Variants in IKZF4 observed in about 807,000 individuals in gnomAD.
The protein encoded by IKZF4 is zinc finger protein Eos.
Under a neutral mutation model 47.7 loss-of-function variants are expected in IKZF4, and 11 were observed. The ratio of observed to expected loss-of-function variants is 0.23; its 90% CI spans 0.15 to 0.38. The LOEUF is 0.38. IKZF4 is among the 10% of genes least tolerant of loss of function. The pLI, the probability that IKZF4 is intolerant of heterozygous loss-of-function variation, is 1.00. For missense variants in IKZF4, 557 were observed against 784.9 expected (o/e 0.71, Z 3.47); for synonymous variants, 298 against 299.4 (o/e 1.00, Z 0.05).
At chr12:56,019,392 T>C (rs1892558232), upstream of IKZF4, 1 of 984,500 alleles carries the variant, frequency 1.0e-6, no homozygotes, top group Admixed American at 6.1e-5. Flanking sequence ...ATGAGAGTCA[T>C]TGGCAACACC....
At chr12:56,023,932 T>C (rs1893513306) in intron 2 of IKZF4, 168 bp downstream of exon 2, 20 of 985,252 alleles carry the variant, frequency 2.0e-5, no homozygotes, top group Non-Finnish European at 2.4e-5. Context: ...TAGCAGATAA[T>C]GTAGAAGGCT....
At chr12:56,019,606 A>G (rs1892580705), upstream of IKZF4, among the ~76,000 whole-genome samples, 2 of 152,182 alleles carry the variant, frequency 1.3e-5, no homozygotes, top group Non-Finnish European at 2.9e-5. Context: ...CCTCCTGCTC[A>G]GTTAAGCCTA....
chr12:56,034,469 A>T, intron 7 of IKZF4, 102 bp from the exon 8 acceptor site: 1 of 1,229,442 alleles, frequency 8.1e-7, no homozygotes, highest in Non-Finnish European at 1.1e-6. Context: ...CGTAGTAAAT[A>T]ATGTTACACC....
At chr12:56,021,758 T>G in intron 1 of IKZF4, 178 bp downstream of exon 1, 1 of 939,158 alleles carries the variant, frequency 1.1e-6, no homozygotes, top group Non-Finnish European at 1.6e-6. Flanking sequence ...TTCCTCCTTA[T>G]ACTTGCGGAG....
intron 5 of IKZF4, among the ~76,000 whole-genome samples, chr12:56,030,817 T>C (rs1047717936): frequency 6.6e-6 from 1 of 151,898 alleles, no homozygotes; most frequent in Non-Finnish European, 1.5e-5. Flanking sequence ...GAGAGGCTGG[T>C]TAATGGGTAC....
chr12:56,017,862 A>G (rs1352850727), upstream of IKZF4, among the ~76,000 whole-genome samples: 2 of 151,944 alleles, frequency 1.3e-5, no homozygotes, highest in East Asian at 1.9e-4. Context: ...ATTTATTTTT[A>G]TATTTTGTAG....
chr12:56,027,849 T>C lies in IKZF4; in HGVS notation c.617T>C (p.Ile206Thr). 1 of 1,613,252 alleles carries C rather than the reference T, an allele frequency of 6.2e-7. No homozygotes were observed. Among genetic ancestry groups the C allele is most frequent in the South Asian group, 1.1e-5 (1 of 90,980 alleles). The change falls in exon 5 of 8, where the codon ATC becomes ACC. Residue 206 changes from isoleucine to threonine, a missense_variant. Physicochemically the swap from Ile to Thr is moderately conservative, Grantham distance 89. Coordinates refer to ENST00000547167, the MANE Select transcript of IKZF4 (RefSeq NM_022465.4). ...CAGAAGGGGAACCTGCTGCGCCACA[T>C]CAAGCTGCACTCTGGGGAGAAGCCC... ...FTQKGNLLRHIKLHSGEKPFK... is the reference protein window; with the variant it reads ...FTQKGNLLRHTKLHSGEKPFK...
intron 2 of IKZF4, among the ~76,000 whole-genome samples, chr12:56,014,155 CAA>C (rs1303427048): frequency 2.0e-4 from 16 of 80,912 alleles, no homozygotes; most frequent in Non-Finnish European, 1.6e-4. Flanking sequence ...GACTCCGTCT[CAA>C]AAAAAAAAAA....
At chr12:56,029,619 CTATG>C in intron 5 of IKZF4, 1 of 152,310 alleles carries the variant, frequency 6.6e-6, no homozygotes, top group Middle Eastern at 3.4e-3. Context: ...CTCTTTATCT[CTATG>C]TATGTGGAGA....
At chr12:56,019,348 C>A (rs1892551894), upstream of IKZF4, 2 of 984,752 alleles carry the variant, frequency 2.0e-6, no homozygotes, top group African/African-American at 3.5e-5. Context: ...TTGGCATGCA[C>A]TAAAGGAGAT....
upstream of IKZF4, among the ~76,000 whole-genome samples, chr12:56,016,667 G>T (rs1892117893): frequency 2.0e-5 from 3 of 151,854 alleles, no homozygotes; most frequent in African/African-American, 7.3e-5. Flanking sequence ...CGTGATCTTG[G>T]GTCACCGCAA....
chr12:56,035,199 C>T lies in IKZF4; in HGVS notation c.1626C>T (p.His542=), dbSNP rs759917615. 1.2e-5 allele frequency: 20 copies of T among 1,614,220 alleles called. No individual in the cohort carries two copies. The highest frequency in any genetic ancestry group is 8.8e-5 in the South Asian group (8 of 91,082). Residue 542 remains histidine, a synonymous_variant, in exon 8 of 8, where the codon CAC becomes CAT. Transcript: ENST00000547167. This position sits in a 1 kb window ranked among gnomAD's most constrained non-coding sequence, Gnocchi z 6.1. ...ACTGCCGTATCCTCTTCCTGGACCA[C>T]GTCATGTTCACTATCCACATGGGCT... ...CEHCRILFLD[H]VMFTIHMGCH... is the part of the protein sequence containing the mutation.
chr12:56,033,442 T>G, intron 7 of IKZF4, 121 bp downstream of exon 7: 2 of 1,259,882 alleles, frequency 1.6e-6, no homozygotes. Context: ...GTGCAGTGGC[T>G]CACGTCTGTA....
intron 5 of IKZF4, among the ~76,000 whole-genome samples, chr12:56,031,348 A>G (rs1424034879): frequency 6.6e-6 from 1 of 152,254 alleles, no homozygotes; most frequent in Non-Finnish European, 1.5e-5. Flanking sequence ...TGAAAATATC[A>G]TATGTATCTC....
chr12:56,017,448 C>A (rs1185887164), upstream of IKZF4, among the ~76,000 whole-genome samples: 2 of 151,890 alleles, frequency 1.3e-5, no homozygotes, highest in Non-Finnish European at 2.9e-5. Flanking sequence ...ATGACTGAAC[C>A]CAGCTTCTTA....
intron 3 of IKZF4, among the ~76,000 whole-genome samples, chr12:56,025,940 A>G (rs1233700196): frequency 6.6e-6 from 1 of 151,724 alleles, no homozygotes; most frequent in Non-Finnish European, 1.5e-5. Flanking sequence ...TGTACCCCCA[A>G]CTTTTTTCTT....
intron 2 of IKZF4, among the ~76,000 whole-genome samples, chr12:56,015,641 C>A (rs1356698753): frequency 6.6e-6 from 1 of 152,154 alleles, no homozygotes; most frequent in Non-Finnish European, 1.5e-5. Flanking sequence ...GGTGATCCAC[C>A]CACCTCGCCC....
intron 4 of IKZF4, 24 bp downstream of exon 4, chr12:56,027,065 G>GTCCC (rs766848744): frequency 2.0e-6 from 3 of 1,479,784 alleles, no homozygotes; most frequent in Non-Finnish European, 2.7e-6. Context: ...AGGGGCTCTG[G>GTCCC]GAGGAGCTCC....
intron 1 of IKZF4, among the ~76,000 whole-genome samples, chr12:56,008,981 A>C (rs1408799063): frequency 6.6e-6 from 1 of 151,938 alleles, no homozygotes; most frequent in Non-Finnish European, 1.5e-5. Context: ...CTGGCCAGAA[A>C]ATTTTTTGCA....
Sources: gnomAD v4.1 joint callset for allele counts (sites outside exome capture counted in the v4.1 genomes callset) on GRCh38, gnomAD v4.1.1 for gene constraint, Gnocchi (gnomAD v3.1) non-coding constraint, MANE v1.5 for transcripts, NCBI Gene and HGNC (gene_info 2026-07-23, HGNC 2026-07-21) for gene names.